FSIP2: variants seen among roughly 807,000 people sequenced by gnomAD.
FSIP2 encodes fibrous sheath-interacting protein 2.
A neutral mutation model predicts 510.5 loss-of-function variants in FSIP2; 367 were observed. The ratio of observed to expected loss-of-function variants is 0.72; its 90% CI spans 0.66 to 0.78. FSIP2 has a LOEUF of 0.78. Ranked by LOEUF, FSIP2 falls within the 30% of genes least tolerant of loss-of-function variation. The pLI, the probability that FSIP2 is intolerant of heterozygous loss-of-function variation, is 0.00. For synonymous variants in FSIP2, 2,601 were observed against 2,732.2 expected (o/e 0.95, Z 1.50); for missense variants, 7,594 against 7,901.7 (o/e 0.96, Z 1.48).
Position 185,799,759 on chromosome 2 carries a change from T to C in FSIP2, c.10453T>C (p.Phe3485Leu). The change falls in exon 17 of 23, where the codon TTC becomes CTC. Residue 3485 changes from phenylalanine (F) to leucine (L), a missense_variant. Physicochemically the swap from Phe to Leu is conservative, Grantham distance 22. Transcript: ENST00000424728. ...WSRKKYESKQFLRNIYDDSSI... is the reference protein window; with the variant it reads ...WSRKKYESKQLLRNIYDDSSI... ...AAGGAAAAAATATGAATCAAAACAG[T>C]TCCTAAGAAACATATACGATGATTC... 1.3e-6 allele frequency: 2 copies of C among 1,509,180 alleles called. No individual in the cohort carries two copies. Among genetic ancestry groups the C allele is most frequent in the East Asian group, 2.5e-5 (1 of 40,372 alleles). 93.5% of individuals were successfully genotyped at this position (1,509,180 alleles called of 1,614,324 possible). A position where few individuals can be genotyped will look rare whatever the true frequency, so the allele number is the denominator to read the frequency against.
chr2:185,803,314 T>C lies in FSIP2; in HGVS notation c.14008T>C (p.Ser4670Pro), dbSNP rs1693484851. ...ELIHLITGEF[S>P]KAQVSIIDNT... ...CATACATTTGATTACAGGGGAATTC[T>C]CAAAAGCCCAAGTTAGCATTATAGA... The change falls in exon 17 of 23, where the codon TCA becomes CCA. Residue 4670 changes from serine (S) to proline (P), a missense_variant. Ser to Pro is a moderately conservative substitution (Grantham distance 74, BLOSUM62 -1). Coordinates refer to ENST00000424728, the MANE Select transcript of FSIP2 (RefSeq NM_173651.4). The C allele has an allele frequency of 6.5e-7, 1 of 1,529,276 alleles. No individual in the cohort carries two copies. 94.7% of individuals were successfully genotyped at this position (1,529,276 alleles called of 1,614,324 possible).
chr2:185,792,403 G>A lies in FSIP2; in HGVS notation c.5267G>A (p.Trp1756Ter), dbSNP rs1693158321. The A allele has an allele frequency of 1.3e-6, 2 of 1,533,590 alleles. No individual in the cohort carries two copies. The highest frequency in any genetic ancestry group is 1.7e-6 in the Non-Finnish European group (2 of 1,145,358). 95.0% of individuals were successfully genotyped at this position (1,533,590 alleles called of 1,614,324 possible). A position where few individuals can be genotyped will look rare whatever the true frequency, so the allele number is the denominator to read the frequency against. ...GTGAAAACACGTTCTCTTAAACAAT[G>A]GGCTCTCGAAAAAACCTTAAACAAA... ...EEVKTRSLKQ[W>*]ALEKTLNKIE... Residue 1756 changes from tryptophan to a stop codon, truncating the protein, a stop_gained, in exon 16 of 23, where the codon TGG becomes TAG. Coordinates refer to ENST00000424728, the MANE Select transcript of FSIP2 (RefSeq NM_173651.4). LOFTEE classifies it high-confidence loss of function.
At chr2:185,783,610 T>A (rs1434243632) in intron 14 of FSIP2, 1 of 152,168 alleles carries the variant, frequency 6.6e-6, no homozygotes, top group African/African-American at 2.4e-5. Context: ...TGAGTATTCA[T>A]ATGATACATA....
Position 185,807,534 on chromosome 2 carries a change from T to A in FSIP2, c.18228T>A (p.Asp6076Glu). 2 of 1,611,270 alleles carry A rather than the reference T, an allele frequency of 1.2e-6. No homozygotes were observed. The highest frequency in any genetic ancestry group is 1.7e-6 in the Non-Finnish European group (2 of 1,178,406). The change falls in exon 17 of 23, where the codon GAT (aspartate) becomes GAA (glutamate). Residue 6076 changes from aspartate (D) to glutamate (E), a missense_variant. By Grantham distance (45) the Asp-to-Glu change is conservative (BLOSUM62 2). Transcript: ENST00000424728. Reference protein sequence around the residue: ...TIQYVETLQSDDDEIIQLVVQ... With the variant: ...TIQYVETLQSEDDEIIQLVVQ... ...AGTATGTAGAAACCTTACAATCTGA[T>A]GATGATGAAATTATTCAATTAGTGG...
chr2:185,806,680 A>G lies in FSIP2; in HGVS notation c.17374A>G (p.Thr5792Ala), dbSNP rs2105652382. 6.2e-7 allele frequency: 1 copy of G among 1,603,108 alleles called. No homozygotes were observed. Among genetic ancestry groups the G allele is most frequent in the Non-Finnish European group, 8.5e-7 (1 of 1,176,292 alleles). Residue 5792 changes from threonine (T) to alanine (A), a missense_variant, in exon 17 of 23, where the codon ACT becomes GCT. By Grantham distance (58) the Thr-to-Ala change is moderately conservative. Coordinates refer to ENST00000424728, the MANE Select transcript of FSIP2 (RefSeq NM_173651.4). ...FPAKFLEDVI[T>A]EMVKQLIFSS... ...CGCTAAGTTTTTAGAAGATGTTATTACTGAGATGGTTAAACAATTGATCTT... is the reference window on the plus strand; with the variant it reads ...CGCTAAGTTTTTAGAAGATGTTATTGCTGAGATGGTTAAACAATTGATCTT...
At chr2:185,747,490 T>C (rs1165754366) in intron 7 of FSIP2, 67 bp downstream of exon 7, 1 of 828,826 alleles carries the variant, frequency 1.2e-6, no homozygotes, top group East Asian at 2.7e-5. Context: ...TTTTTTGAAG[T>C]ACAAATCACT....
At position 185,764,864 on chromosome 2, in the gene FSIP2, T is replaced by C. The variant is rs187603362; in HGVS notation, c.1411+299T>C. ...CTTTATAATTTAGAAAGAGACTGCG[T>C]TGAGACATGAAGGATCAGAAGGAAT... On this transcript the variant is annotated intron_variant, in intron 13 of 22. Transcript: ENST00000424728. 2.9e-5 allele frequency: 7 copies of C among 238,484 alleles called. No individual in the cohort carries two copies. In the South Asian group the frequency reaches 5.0e-4, roughly 17 times the overall value. The allele number at this position is 238,484 out of a possible 1,614,324, so 14.8% of individuals were successfully genotyped here. A position where few individuals can be genotyped will look rare whatever the true frequency, so the allele number is the denominator to read the frequency against.
chr2:185,803,795 T>G lies in FSIP2; in HGVS notation c.14489T>G (p.Ile4830Arg), dbSNP rs1157183352. 17 of 1,516,740 alleles carry G rather than the reference T, an allele frequency of 1.1e-5. No homozygotes were observed. Among genetic ancestry groups the G allele is most frequent in the Non-Finnish European group, 1.4e-5 (16 of 1,136,264 alleles). The allele number at this position is 1,516,740 out of a possible 1,614,324, so 94.0% of individuals were successfully genotyped here. The change falls in exon 17 of 23, where the codon ATA (isoleucine) becomes AGA (arginine). Residue 4830 changes from isoleucine (I) to arginine (R), a missense_variant. Physicochemically the swap from Ile to Arg is moderately conservative, Grantham distance 97. Coordinates refer to ENST00000424728, the MANE Select transcript of FSIP2 (RefSeq NM_173651.4). ...SDLSNTVIKL[I>R]NEIMSIISKH... The stretch of plus-strand genomic sequence containing the variant: ...TTAAGTAATACAGTGATAAAACTGA[T>G]AAATGAAATTATGTCAATAATTTCA...
At chr2:185,745,383 A>G in intron 4 of FSIP2, 46 bp from the exon 5 acceptor site, 1 of 1,129,100 alleles carries the variant, frequency 8.9e-7, no homozygotes, top group Non-Finnish European at 1.2e-6. Flanking sequence ...TTTCTGGGAA[A>G]TGTAAAAAGC....
chr2:185,801,043 A>T lies in FSIP2; in HGVS notation c.11737A>T (p.Thr3913Ser). The change falls in exon 17 of 23, where the codon ACA becomes TCA. Residue 3913 changes from threonine to serine, a missense_variant. By Grantham distance (58) the Thr-to-Ser change is moderately conservative. Coordinates refer to ENST00000424728, the MANE Select transcript of FSIP2 (RefSeq NM_173651.4). ...CAGGAGCTATGATAGTAATTCTTTG[A>T]CAGTATCCCTGAATAATCCCAGTGT... ...ELRSYDSNSL[T>S]VSLNNPSVVS... The T allele has an allele frequency of 6.5e-7, 1 of 1,532,214 alleles. No individual in the cohort carries two copies. The allele number at this position is 1,532,214 out of a possible 1,614,324, so 94.9% of individuals were successfully genotyped here.
chr2:185,803,346 T>G lies in FSIP2; in HGVS notation c.14040T>G (p.Thr4680=). Residue 4680 remains threonine, a synonymous_variant, in exon 17 of 23, where the codon ACT becomes ACG. Coordinates refer to ENST00000424728, the MANE Select transcript of FSIP2 (RefSeq NM_173651.4). ...CCCAAGTTAGCATTATAGATAATAC[T>G]GAGGAAAGACTGTGTTTACCTCCAG... ...SKAQVSIIDN[T]EERLCLPPVE... 1 of 1,533,164 alleles carries G rather than the reference T, an allele frequency of 6.5e-7. No homozygotes were observed. The highest frequency in any genetic ancestry group is 8.7e-7 in the Non-Finnish European group (1 of 1,144,930). 95.0% of individuals were successfully genotyped at this position (1,533,164 alleles called of 1,614,324 possible).
rs1243939875 is a variant in FSIP2, at chr2:185,794,214, T to C, written c.7078T>C (p.Leu2360=). Residue 2360 remains leucine, a synonymous_variant, in exon 16 of 23, where the codon TTG becomes CTG. Coordinates refer to ENST00000424728, the MANE Select transcript of FSIP2 (RefSeq NM_173651.4). The stretch of plus-strand genomic sequence containing the variant: ...TGCTGACGTCATTGCCAGTGCCATT[T>C]TGAAGCTTATTAAAAATGACTTAGA... The part of the protein sequence containing the change: ...TYADVIASAI[L]KLIKNDLDLE... 1 of 1,534,606 alleles carries C rather than the reference T, an allele frequency of 6.5e-7. No homozygotes were observed. The highest frequency in any genetic ancestry group is 8.7e-7 in the Non-Finnish European group (1 of 1,145,860).
At chr2:185,759,389 CATA>C (rs905100870) in intron 9 of FSIP2, among the ~76,000 whole-genome samples, 7 of 146,468 alleles carry the variant, frequency 4.8e-5, no homozygotes, top group Non-Finnish European at 7.5e-5. Context: ...ATTCATAATG[CATA>C]ATTTTTATTA....
At chr2:185,814,883 C>T (rs1194012695) in intron 18 of FSIP2, among the ~76,000 whole-genome samples, 1 of 151,902 alleles carries the variant, frequency 6.6e-6, no homozygotes, top group Non-Finnish European at 1.5e-5. Context: ...TGATGTGATT[C>T]CGAGGTTAAC....
chr2:185,794,582 A>C lies in FSIP2; in HGVS notation c.7446A>C (p.Glu2482Asp). 6.5e-7 allele frequency: 1 copy of C among 1,532,156 alleles called. No homozygotes were observed. Among genetic ancestry groups the C allele is most frequent in the Non-Finnish European group, 8.7e-7 (1 of 1,144,934 alleles). The allele number at this position is 1,532,156 out of a possible 1,614,324, so 94.9% of individuals were successfully genotyped here. The change falls in exon 16 of 23, where the codon GAA becomes GAC. Residue 2482 changes from glutamate to aspartate, a missense_variant. Glu to Asp is a conservative substitution (Grantham distance 45, BLOSUM62 2). Coordinates refer to ENST00000424728, the MANE Select transcript of FSIP2 (RefSeq NM_173651.4). ...AATCAAAAAACAAAGAAAAAGGTGA[A>C]CTGCTCATTGCAGTGGAAGAACTTT... ...NGESKNKEKGELLIAVEELLN... is the reference protein window; with the variant it reads ...NGESKNKEKGDLLIAVEELLN...
At chr2:185,760,568 C>A (rs2105555769) in intron 9 of FSIP2, among the ~76,000 whole-genome samples, 1 of 148,934 alleles carries the variant, frequency 6.7e-6, no homozygotes, top group South Asian at 2.1e-4. Flanking sequence ...TGGAAACAAT[C>A]CAAATGTCCA....
At chr2:185,769,109 C>T (rs956360585) in intron 13 of FSIP2, among the ~76,000 whole-genome samples, 1 of 152,116 alleles carries the variant, frequency 6.6e-6, no homozygotes, top group Non-Finnish European at 1.5e-5. Context: ...ATGCGTGTGT[C>T]TTTATGATAG....
chr2:185,819,883 A>G (rs915273880), intron 19 of FSIP2, among the ~76,000 whole-genome samples: 10 of 151,900 alleles, frequency 6.6e-5, no homozygotes, highest in African/African-American at 2.4e-4. Context: ...ACGTAACCCC[A>G]TTGTAAATTG....
Position 185,802,842 on chromosome 2 carries a change from T to C in FSIP2, c.13536T>C (p.Asp4512=), listed in dbSNP as rs768545155. The C allele has an allele frequency of 6.6e-7, 1 of 1,512,202 alleles. No individual in the cohort carries two copies. Among genetic ancestry groups the C allele is most frequent in the South Asian group, 1.3e-5 (1 of 79,458 alleles). The allele number at this position is 1,512,202 out of a possible 1,614,324, so 93.7% of individuals were successfully genotyped here. Residue 4512 remains aspartate, a synonymous_variant, in exon 17 of 23, where the codon GAT becomes GAC. Coordinates refer to ENST00000424728, the MANE Select transcript of FSIP2 (RefSeq NM_173651.4). ...ACATTGCTTCAAACCTAGTTAGTGATATTAGGATGAAAGTTTCCCAACATG... is the reference window on the plus strand; with the variant it reads ...ACATTGCTTCAAACCTAGTTAGTGACATTAGGATGAAAGTTTCCCAACATG... ...FNDIASNLVS[D]IRMKVSQHEI... is the part of the protein sequence containing the mutation.
Sources: allele counts gnomAD v4.1 joint callset (sites outside exome capture counted in the v4.1 genomes callset), GRCh38; gene constraint gnomAD v4.1.1; transcripts MANE v1.5; gene names NCBI Gene and HGNC (gene_info 2026-07-23, HGNC 2026-07-21).